NPAS3: variants seen among roughly 807,000 people sequenced by gnomAD.
NPAS3 encodes neuronal PAS domain-containing protein 3.
Under a neutral mutation model 73.1 loss-of-function variants are expected in NPAS3, and 14 were observed. That is an observed-to-expected ratio of 0.19 (90% CI 0.13 to 0.30). NPAS3 has a LOEUF of 0.30. Ranked by LOEUF, NPAS3 falls within the 10% of genes least tolerant of loss-of-function variation. The pLI is 1.00. For synonymous variants in NPAS3, 620 were observed against 541.5 expected (o/e 1.14, Z -2.01); for missense variants, 1,096 against 1,250.0 (o/e 0.88, Z 1.86).
chr14:33,196,562 G>A (rs1297488448), intron 2 of NPAS3, among the ~76,000 whole-genome samples: 1 of 152,098 alleles, frequency 6.6e-6, no homozygotes, highest in Non-Finnish European at 1.5e-5. Flanking sequence ...CTCTCCAGCG[G>A]GATAAGACCC....
chr14:33,114,098 C>G (rs142731308), intron 2 of NPAS3, among the ~76,000 whole-genome samples: 1 of 151,994 alleles, frequency 6.6e-6, no homozygotes, highest in Non-Finnish European at 1.5e-5. Flanking sequence ...TGCAGTGGCA[C>G]GATCTTGACT....
intron 3 of NPAS3, among the ~76,000 whole-genome samples, chr14:33,268,749 A>T (rs1030727924): frequency 6.6e-6 from 1 of 152,166 alleles, no homozygotes; most frequent in Non-Finnish European, 1.5e-5. Context: ...TTTCCATGCC[A>T]GTCTAGGTCA....
chr14:33,577,567 G>A (rs2056487618), intron 5 of NPAS3, among the ~76,000 whole-genome samples: 1 of 152,066 alleles, frequency 6.6e-6, no homozygotes. Context: ...ACCAGGAAGT[G>A]GTAAGCCAGG....
chr14:33,696,674 C>T (rs1441882730), intron 6 of NPAS3, among the ~76,000 whole-genome samples: 1 of 152,194 alleles, frequency 6.6e-6, no homozygotes, highest in Non-Finnish European at 1.5e-5. Flanking sequence ...ATTCCTCCAC[C>T]TAACTAAATC....
intron 5 of NPAS3, among the ~76,000 whole-genome samples, chr14:33,603,191 T>C (rs1405146031): frequency 6.6e-6 from 1 of 152,174 alleles, no homozygotes; most frequent in East Asian, 1.9e-4. Flanking sequence ...AATCCTAACT[T>C]CTACAGATAA....
intron 1 of NPAS3, among the ~76,000 whole-genome samples, chr14:33,027,803 G>A (rs2039859145): frequency 6.6e-6 from 1 of 152,172 alleles, no homozygotes; most frequent in African/African-American, 2.4e-5. Context: ...TTAACAGTAT[G>A]TGGGGAGGCT....
chr14:33,207,670 T>C (rs954140739), intron 2 of NPAS3, among the ~76,000 whole-genome samples: 15 of 152,198 alleles, frequency 9.9e-5, no homozygotes, highest in Non-Finnish European at 1.6e-4. Context: ...GTTAGGACAA[T>C]GCTCTCAGAC....
intron 4 of NPAS3, among the ~76,000 whole-genome samples, chr14:33,543,946 C>CATAT (rs35154724): frequency 2.0e-4 from 21 of 104,922 alleles, no homozygotes; most frequent in Admixed American, 3.1e-4. Flanking sequence ...TGGCAAAGTG[C>CATAT]ATATATATAT....
chr14:33,070,890 T>C (rs531234894), intron 2 of NPAS3, among the ~76,000 whole-genome samples: 1 of 152,336 alleles, frequency 6.6e-6, no homozygotes, highest in Non-Finnish European at 1.5e-5. Flanking sequence ...TAATTGCTTT[T>C]TGAAGGGTTT....
intron 5 of NPAS3, among the ~76,000 whole-genome samples, chr14:33,609,741 C>A (rs1236523193): frequency 6.6e-6 from 1 of 151,998 alleles, no homozygotes; most frequent in Non-Finnish European, 1.5e-5. Context: ...AATTCTTATT[C>A]TTTTTCATCT....
At chr14:33,563,517 T>TACACACACACACACACACACACACACAC (rs146854404) in intron 5 of NPAS3, among the ~76,000 whole-genome samples, 22 of 106,944 alleles carry the variant, frequency 2.1e-4, no homozygotes, top group Middle Eastern at 4.9e-3. Context: ...TACACATACA[T>TACACACACACACACACACACACACACAC]ACACACACAC....
At chr14:33,211,423 G>C (rs1477498648) in intron 2 of NPAS3, among the ~76,000 whole-genome samples, 1 of 152,124 alleles carries the variant, frequency 6.6e-6, no homozygotes, top group East Asian at 1.9e-4. Flanking sequence ...GCACGGTGGT[G>C]CATGCCTGTA....
At chr14:32,982,127 A>AAT (rs1447062732) in intron 1 of NPAS3, among the ~76,000 whole-genome samples, 1 of 152,216 alleles carries the variant, frequency 6.6e-6, no homozygotes, top group East Asian at 1.9e-4. Context: ...TGGAAAGTCC[A>AAT]ATATCAAGGT....
In NPAS3 at chr14:33,513,427, A is replaced by C. The variant is rs150913524; in HGVS notation, c.469-46694A>C. 1.8e-3 allele frequency among the ~76,000 whole-genome samples: 275 copies of C among 152,182 alleles called. 2 individuals are homozygous for C. Among genetic ancestry groups the C allele is most frequent in the African/African-American group, 6.3e-3 (262 of 41,552 alleles). ...GTCCTTATGTGTCAGGCACTTTGCT[A>C]AGCACCTTGTATGATTTGTTGTCTA... On this transcript the variant is annotated intron_variant, in intron 4 of 11. Coordinates refer to ENST00000356141, the Ensembl canonical transcript of NPAS3.
chr14:33,182,174 A>G (rs2139446483), intron 2 of NPAS3, among the ~76,000 whole-genome samples: 1 of 152,350 alleles, frequency 6.6e-6, no homozygotes. Context: ...GGAATCTTTT[A>G]AAGAAGATGG....
chr14:33,014,890 C>G (rs561099855), intron 1 of NPAS3, among the ~76,000 whole-genome samples: 1 of 152,242 alleles, frequency 6.6e-6, no homozygotes, highest in Admixed American at 6.5e-5. Flanking sequence ...AGCATGAGGC[C>G]GGGCCTTCGG....
chr14:33,388,591 T>G (rs1266669972), intron 4 of NPAS3, among the ~76,000 whole-genome samples: 1 of 152,146 alleles, frequency 6.6e-6, no homozygotes, highest in African/African-American at 2.4e-5. Flanking sequence ...TAAGTTATAT[T>G]AAGTTATAAC....
At chr14:33,744,756 C>T (rs1296165400) in intron 7 of NPAS3, among the ~76,000 whole-genome samples, 1 of 151,948 alleles carries the variant, frequency 6.6e-6, no homozygotes, top group Non-Finnish European at 1.5e-5. Context: ...CGCCACTGCA[C>T]TCCAGCCTGG....
At chr14:33,575,368 T>C (rs1408056095) in intron 5 of NPAS3, among the ~76,000 whole-genome samples, 1 of 152,228 alleles carries the variant, frequency 6.6e-6, no homozygotes, top group Admixed American at 6.5e-5. Context: ...TTTTCTGTAA[T>C]ATTTTAGACT....
Sources: gnomAD v4.1 joint callset for allele counts (sites outside exome capture counted in the v4.1 genomes callset) on GRCh38, gnomAD v4.1.1 for gene constraint, MANE v1.5 for transcripts, NCBI Gene and HGNC (gene_info 2026-07-23, HGNC 2026-07-21) for gene names.